TSPAN12: variants seen among roughly 807,000 people sequenced by gnomAD.
TSPAN12 encodes tetraspanin-12.
TSPAN12 carries 19 observed loss-of-function variants against 39.2 expected under a neutral mutation model. The observed-to-expected ratio is 0.49, with a 90% CI of 0.34 to 0.71. TSPAN12 has a LOEUF of 0.71. Ranked by LOEUF, TSPAN12 falls within the 30% of genes least tolerant of loss-of-function variation. TSPAN12 has a pLI of 0.01. For synonymous variants in TSPAN12, 119 were observed against 124.8 expected (o/e 0.95, Z 0.31); for missense variants, 314 against 359.9 (o/e 0.87, Z 1.03).
chr7:120,838,665 AC>A, intron 4 of TSPAN12, 111 bp downstream of exon 4: 2 of 1,128,476 alleles, frequency 1.8e-6, no homozygotes, highest in South Asian at 2.8e-5. Flanking sequence ...GTCCCTTCTT[AC>A]AGGATGTTGT....
intron 6 of TSPAN12, among the ~76,000 whole-genome samples, chr7:120,808,231 T>C (rs1793912269): frequency 6.6e-6 from 1 of 152,164 alleles, no homozygotes; most frequent in Admixed American, 6.6e-5. Context: ...ATAAATGACT[T>C]TCTCAAATAT....
intron 4 of TSPAN12, among the ~76,000 whole-genome samples, chr7:120,819,432 T>C (rs897655019): frequency 3.3e-5 from 5 of 152,084 alleles, no homozygotes; most frequent in African/African-American, 1.2e-4. Context: ...AACTCCAAAA[T>C]GACTGTATCT....
At chr7:120,808,134 T>G (rs1011709580) in intron 6 of TSPAN12, among the ~76,000 whole-genome samples, 2 of 152,128 alleles carry the variant, frequency 1.3e-5, no homozygotes, top group Admixed American at 1.3e-4. Context: ...TCTGTGTTGA[T>G]GACAGAACAG....
chr7:120,853,784 G>A (rs1794815796), intron 2 of TSPAN12, among the ~76,000 whole-genome samples: 1 of 150,022 alleles, frequency 6.7e-6, no homozygotes, highest in South Asian at 2.1e-4. Flanking sequence ...TGAGGCAGGA[G>A]AATCGCCTGA....
intron 2 of TSPAN12, among the ~76,000 whole-genome samples, chr7:120,846,795 G>A (rs574798145): frequency 4.6e-5 from 7 of 152,290 alleles, no homozygotes; most frequent in African/African-American, 1.4e-4. Flanking sequence ...AGAAGACATA[G>A]TACAAGTTTC....
intron 2 of TSPAN12, among the ~76,000 whole-genome samples, chr7:120,849,761 G>A (rs1244514594): frequency 6.6e-6 from 1 of 152,124 alleles, no homozygotes; most frequent in African/African-American, 2.4e-5. Context: ...AATTTTTCTG[G>A]TGTTTTTTTC....
chr7:120,801,697 T>C (rs1008761288), intron 7 of TSPAN12, among the ~76,000 whole-genome samples: 1 of 152,204 alleles, frequency 6.6e-6, no homozygotes, highest in Non-Finnish European at 1.5e-5. Context: ...GTGAGCCTGT[T>C]TACTTCCATT....
chr7:120,806,828 T>C, intron 6 of TSPAN12, 136 bp from the exon 7 acceptor site: 5 of 1,081,124 alleles, frequency 4.6e-6, no homozygotes, highest in South Asian at 2.8e-5. Context: ...ATGTACAGTC[T>C]ATGTTGATGA....
intron 7 of TSPAN12, among the ~76,000 whole-genome samples, chr7:120,804,053 T>A (rs1793824436): frequency 6.6e-6 from 1 of 152,140 alleles, no homozygotes; most frequent in Non-Finnish European, 1.5e-5. Context: ...AATCATATCA[T>A]CAGTATTAAT....
intron 6 of TSPAN12, among the ~76,000 whole-genome samples, chr7:120,808,493 T>C (rs553803001): frequency 6.6e-6 from 1 of 152,230 alleles, no homozygotes; most frequent in South Asian, 2.1e-4. Flanking sequence ...TGCTAATGTG[T>C]CAAGCTCTAG....
intron 4 of TSPAN12, among the ~76,000 whole-genome samples, chr7:120,817,920 C>T (rs79404437): frequency 1.1e-4 from 17 of 152,038 alleles, no homozygotes; most frequent in African/African-American, 2.7e-4. Context: ...AGGTGTTCAA[C>T]GAGTATTTGT....
chr7:120,813,019 C>T (rs114421976), intron 5 of TSPAN12, among the ~76,000 whole-genome samples: 1 of 152,220 alleles, frequency 6.6e-6, no homozygotes, highest in African/African-American at 2.4e-5. Flanking sequence ...CACTATCAAT[C>T]TGAGACCAAA....
At chr7:120,802,841 T>C (rs1009055819) in intron 7 of TSPAN12, among the ~76,000 whole-genome samples, 2 of 152,206 alleles carry the variant, frequency 1.3e-5, no homozygotes, top group Admixed American at 6.5e-5. Context: ...AAATGTGCAA[T>C]TGTCGCTATA....
In TSPAN12 at chr7:120,840,062, G is replaced by A. The variant is rs1488240740; in HGVS notation, c.114C>T (p.Tyr38=). Reference sequence around the variant, plus strand: ...CAGTTAAAGTGAGAACATTATTTAGGTAGTCCCTCATCCAAGCAGAAACTG... The same window carrying A: ...CAGTTAAAGTGAGAACATTATTTAGATAGTCCCTCATCCAAGCAGAAACTG... ...VLAVSAWMRD[Y]LNNVLTLTAE... Residue 38 remains tyrosine, a synonymous_variant, in exon 3 of 8, where the codon TAC becomes TAT. Transcript: ENST00000222747. The A allele has an allele frequency of 1.2e-6, 2 of 1,613,564 alleles. No individual in the cohort carries two copies. Among genetic ancestry groups the A allele is most frequent in the Non-Finnish European group, 1.7e-6 (2 of 1,179,774 alleles).
At chr7:120,843,501 C>A (rs1403661684) in intron 2 of TSPAN12, among the ~76,000 whole-genome samples, 2 of 152,192 alleles carry the variant, frequency 1.3e-5, no homozygotes, top group Non-Finnish European at 2.9e-5. Context: ...CTGCCCTAAT[C>A]ACCCCAAGGC....
chr7:120,797,453 AAG>A (rs1209528719), intron 7 of TSPAN12, among the ~76,000 whole-genome samples: 1 of 152,386 alleles, frequency 6.6e-6, no homozygotes, highest in Middle Eastern at 3.4e-3. Context: ...TGGTCTATGA[AAG>A]AGAGATAAAC....
At position 120,788,775 on chromosome 7, in the gene TSPAN12, G is replaced by A. The variant is rs1221195979; in HGVS notation, c.735C>T (p.Leu245=). The A allele has an allele frequency of 6.2e-6, 10 of 1,614,032 alleles. No individual in the cohort carries two copies. The Admixed American group carries it at 1.2e-4, about 19-fold the overall frequency. Residue 245 remains leucine (L), a synonymous_variant, in exon 8 of 8, where the codon CTC becomes CTT. Coordinates refer to ENST00000222747, the MANE Select transcript of TSPAN12 (RefSeq NM_012338.4). The part of the protein sequence containing the change: ...ILAMILTITL[L]WALYYDRREP... ...CCCTTCTATCATAATACAGAGCCCA[G>A]AGCAGAGTAATGGTGAGAATCATGG...
intron 7 of TSPAN12, among the ~76,000 whole-genome samples, chr7:120,798,049 T>C (rs1439809372): frequency 3.9e-5 from 6 of 152,198 alleles, no homozygotes; most frequent in South Asian, 4.1e-4. Context: ...AGGGCAAAAT[T>C]TGCAAGTCTC....
intron 2 of TSPAN12, among the ~76,000 whole-genome samples, chr7:120,840,431 A>T (rs1794556047): frequency 6.6e-6 from 1 of 152,214 alleles, no homozygotes; most frequent in Admixed American, 6.5e-5. Flanking sequence ...TCTAAAACAC[A>T]TTGTCATTCT....
Sources: gnomAD v4.1 joint callset for allele counts (sites outside exome capture counted in the v4.1 genomes callset) on GRCh38, gnomAD v4.1.1 for gene constraint, MANE v1.5 for transcripts, NCBI Gene and HGNC (gene_info 2026-07-23, HGNC 2026-07-21) for gene names.